COL1A1: variants seen among roughly 807,000 people sequenced by gnomAD.
COL1A1 encodes the protein collagen type I alpha 1 chain.
Under a neutral mutation model 195.7 loss-of-function variants are expected in COL1A1, and 21 were observed. The ratio of observed to expected loss-of-function variants is 0.11; its 90% CI spans 0.08 to 0.15. COL1A1 has a LOEUF of 0.15. Among genes scored for constraint, COL1A1 ranks in the 10% least tolerant of loss-of-function variants. The pLI, the probability that COL1A1 is intolerant of heterozygous loss-of-function variation, is 1.00. For missense variants in COL1A1, 1,365 were observed against 2,051.0 expected (o/e 0.67, Z 6.46); for synonymous variants, 749 against 747.3 (o/e 1.00, Z -0.04).
rs1190424222 is a variant in COL1A1 at position 50,195,726 on chromosome 17, G to A, written c.1057-61C>T. 12 of 1,528,106 alleles carry A rather than the reference G, an allele frequency of 7.9e-6. No individual in the cohort carries two copies. The African/African-American group carries it at 1.1e-4, about 14-fold the overall frequency. The allele number at this position is 1,528,106 out of a possible 1,614,324, so 94.7% of individuals were successfully genotyped here. A position where few individuals can be genotyped will look rare whatever the true frequency, so the allele number is the denominator to read the frequency against. ...TGGGAAACCCAACCTTGCCTCTCGGGATGGCAGGAGGAAGGGGAGACAGGG... is the reference window on the plus strand; with the variant it reads ...TGGGAAACCCAACCTTGCCTCTCGGAATGGCAGGAGGAAGGGGAGACAGGG... On this transcript the variant is annotated intron_variant, in intron 16 of 50. Coordinates refer to ENST00000225964, the MANE Select transcript of COL1A1 (RefSeq NM_000088.4). This position sits in a 1 kb window ranked among gnomAD's most constrained non-coding sequence, Gnocchi z 4.3.
In COL1A1 at chr17:50,199,436, A is replaced by G. The variant is rs576449536; in HGVS notation, c.351T>C (p.Thr117=). Residue 117 remains threonine (T), a synonymous_variant, in exon 4 of 51, where the codon ACT becomes ACC. Transcript: ENST00000225964. ...CGCTTACCCTTGGGCCTCGGGGGCC[A>G]GTGTCTCCCTTGGGTCCCTGTGGGA... ...TTGVEGPKGD[T]GPRGPRGPAG... is the part of the protein sequence containing the mutation. 1.2e-5 allele frequency: 19 copies of G among 1,614,116 alleles called. No individual in the cohort carries two copies. The highest frequency in any genetic ancestry group is 6.7e-5 in the East Asian group (3 of 44,874).
At chr17:50,197,256 T>C in intron 9 of COL1A1, 23 bp from the exon 10 acceptor site, 9 of 1,611,856 alleles carry the variant, frequency 5.6e-6, no homozygotes, top group Non-Finnish European at 7.6e-6. Context: ...GAAAAGACCA[T>C]CATGCCTCTG....
At chr17:50,187,406 G>T in intron 46 of COL1A1, 78 bp downstream of exon 46, 2 of 1,456,086 alleles carry the variant, frequency 1.4e-6, no homozygotes, top group Non-Finnish European at 1.9e-6. Context: ...GGCAAAGGGT[G>T]CCTGGGTCCC....
chr17:50,185,436 T>C lies in COL1A1; in HGVS notation c.*66A>G. ...TTGAGGGGGTTCAGTTTGGGTTGCT[T>C]GTCTGTTTCCGGGTTGGGGGGAAAG... On this transcript the variant is annotated 3_prime_UTR_variant, in exon 51 of 51. Coordinates refer to ENST00000225964, the MANE Select transcript of COL1A1 (RefSeq NM_000088.4). 6.2e-7 allele frequency: 1 copy of C among 1,602,740 alleles called. No individual in the cohort carries two copies. The highest frequency in any genetic ancestry group is 2.2e-5 in the East Asian group (1 of 44,744).
At position 50,195,864 on chromosome 17, in the gene COL1A1, G is replaced by A; in HGVS notation, c.1056+59C>T. ...TGGGTCCCTTTGGTTTGGGGAACAGGGAGACATGAACCCCTTGGCCCATGA... is the reference window on the plus strand; with the variant it reads ...TGGGTCCCTTTGGTTTGGGGAACAGAGAGACATGAACCCCTTGGCCCATGA... On this transcript the variant is annotated intron_variant, in intron 16 of 50. Transcript: ENST00000225964. The surrounding 1 kb of genome is among the most constrained non-coding windows in gnomAD (Gnocchi z 4.3). 1 of 1,542,818 alleles carries A rather than the reference G, an allele frequency of 6.5e-7. No homozygotes were observed.
intron 30 of COL1A1, 43 bp downstream of exon 30, chr17:50,191,937 G>A (rs1490574203): frequency 6.2e-7 from 1 of 1,609,818 alleles, no homozygotes; most frequent in Admixed American, 1.7e-5. Flanking sequence ...ATAGGGCCAA[G>A]TACGACGCAC....
chr17:50,197,608 C>T, intron 9 of COL1A1, 124 bp downstream of exon 9: 2 of 787,170 alleles, frequency 2.5e-6, no homozygotes, highest in Non-Finnish European at 2.1e-6. Context: ...GCAGTCCGTG[C>T]ATCAGAGAGG....
At chr17:50,200,769 A>C (rs1908012777) in intron 1 of COL1A1, among the ~76,000 whole-genome samples, 1 of 152,142 alleles carries the variant, frequency 6.6e-6, no homozygotes, top group South Asian at 2.1e-4. Flanking sequence ...CCCTGGCTTT[A>C]CTTTCCAGAT....
chr17:50,193,636 C>T (rs1044916170), intron 25 of COL1A1: 2 of 388,312 alleles, frequency 5.2e-6, no homozygotes, highest in Admixed American at 3.6e-5. Context: ...TGCACACCAC[C>T]ACACCCAGCT....
At chr17:50,197,306 G>A (rs570782843) in intron 9 of COL1A1, 73 bp from the exon 10 acceptor site, 1 of 1,480,084 alleles carries the variant, frequency 6.8e-7, no homozygotes, top group South Asian at 1.1e-5. Context: ...AGTGGAGAAG[G>A]TCTCAGTCTT....
At position 50,184,203 on chromosome 17, in the gene COL1A1, C is replaced by A; in HGVS notation, c.*1299G>T. 4.4e-6 allele frequency: 1 copy of A among 228,874 alleles called. No homozygotes were observed. 14.2% of individuals were successfully genotyped at this position (228,874 alleles called of 1,614,324 possible). ...TAGGTACAGAGTCTTTTGCTTCCTC[C>A]CACCCCTAGGGGGAAAAACTGCTTT... On this transcript the variant is annotated 3_prime_UTR_variant, in exon 51 of 51. Coordinates refer to ENST00000225964, the MANE Select transcript of COL1A1 (RefSeq NM_000088.4).
intron 1 of COL1A1, among the ~76,000 whole-genome samples, chr17:50,200,978 C>T (rs1014647469): frequency 6.6e-6 from 1 of 152,236 alleles, no homozygotes; most frequent in Non-Finnish European, 1.5e-5. Flanking sequence ...CTGCCCAGCA[C>T]CCCCACGGCC....
chr17:50,199,572 T>C lies in COL1A1; in HGVS notation c.317A>G (p.Glu106Gly). The C allele has an allele frequency of 6.2e-7, 1 of 1,614,150 alleles. No homozygotes were observed. Among genetic ancestry groups the C allele is most frequent in the African/African-American group, 1.3e-5 (1 of 75,024 alleles). Residue 106 changes from glutamate to glycine, a missense_variant, in exon 3 of 51, where the codon GAA (glutamate) becomes GGA (glycine). Glu to Gly is a moderately conservative substitution (Grantham distance 98, BLOSUM62 -2). Transcript: ENST00000225964. ...PDGSESPTDQ[E>G]TTGVEGPKGD... ...GGAGATTACCTCGACGCCGGTGGTT[T>C]CTTGGTCGGTGGGTGACTCTAGGGG...
chr17:50,194,771 C>G lies in COL1A1; in HGVS notation c.1411G>C (p.Ala471Pro). The G allele has an allele frequency of 6.4e-7, 1 of 1,574,442 alleles. No homozygotes were observed. Among genetic ancestry groups the G allele is most frequent in the African/African-American group, 1.4e-5 (1 of 73,652 alleles). Residue 471 changes from alanine to proline, a missense_variant, in exon 21 of 51, where the codon GCT (alanine) becomes CCT (proline). By Grantham distance (27) the Ala-to-Pro change is conservative (BLOSUM62 -1). This residue lies in a region of COL1A1 where 671 missense variants were observed against 1,099.9 expected (regional missense o/e 0.61). Transcript: ENST00000225964. The surrounding 1 kb of genome is among the most constrained non-coding windows in gnomAD (Gnocchi z 6.8). Reference protein sequence around the residue: ...GPAGEEGKRGARGEPGPTGLP... With the variant: ...GPAGEEGKRGPRGEPGPTGLP... ...CCAGTGGGTCCGGGTTCACCTCGAGCTCCTCGCTTTCCTTCCTCTCCAGCA... is the reference window on the plus strand; with the variant it reads ...CCAGTGGGTCCGGGTTCACCTCGAGGTCCTCGCTTTCCTTCCTCTCCAGCA...
chr17:50,187,781 A>T, intron 45 of COL1A1, 95 bp downstream of exon 45: 1 of 1,239,752 alleles, frequency 8.1e-7, no homozygotes, highest in Non-Finnish European at 1.1e-6. Flanking sequence ...TAGGGAGGGG[A>T]AAGAATGACT....
In COL1A1 at chr17:50,199,343, G is replaced by T. The variant is rs1907861409; in HGVS notation, c.370-16C>A. On this transcript the variant is annotated splice_polypyrimidine_tract_variant and intron_variant, in intron 4 of 50. Transcript: ENST00000225964. ...CTGCGGGTCCCTGCAGGGGGAGAGGGCGGGGCCGGGGTGAGCGTGGGGCCG... is the reference window on the plus strand; with the variant it reads ...CTGCGGGTCCCTGCAGGGGGAGAGGTCGGGGCCGGGGTGAGCGTGGGGCCG... 1.9e-6 allele frequency: 3 copies of T among 1,581,378 alleles called. No individual in the cohort carries two copies. Among genetic ancestry groups the T allele is most frequent in the Non-Finnish European group, 2.6e-6 (3 of 1,163,666 alleles).
chr17:50,201,297 C>T, intron 1 of COL1A1, 114 bp downstream of exon 1: 1 of 984,910 alleles, frequency 1.0e-6, no homozygotes, highest in Non-Finnish European at 1.6e-6. Context: ...CATCATCTCC[C>T]TTCCATTCCC....
Position 50,186,107 on chromosome 17 carries a change from A to G in COL1A1, c.4006-87T>C. 4 of 1,586,210 alleles carry G rather than the reference A, an allele frequency of 2.5e-6. No individual in the cohort carries two copies. The highest frequency in any genetic ancestry group is 2.6e-6 in the Non-Finnish European group (3 of 1,170,518). ...GCCTCCCTGTCCAGGGTCCTCAGAG[A>G]GCTGCCCAATGCACCGTTATATCGA... On this transcript the variant is annotated intron_variant, in intron 49 of 50. Transcript: ENST00000225964. The surrounding 1 kb of genome is among the most constrained non-coding windows in gnomAD (Gnocchi z 5.3).
At position 50,194,621 on chromosome 17, in the gene COL1A1, T is replaced by A. The variant is rs1402246199; in HGVS notation, c.1467A>T (p.Gly489=). The change falls in exon 22 of 51, where the codon GGA becomes GGT. Residue 489 remains glycine, a synonymous_variant. Transcript: ENST00000225964. The surrounding 1 kb of genome is among the most constrained non-coding windows in gnomAD (Gnocchi z 6.8). ...CGCCAGGGAAACCACGGCTACCAGG[T>A]CCACCCTGCAGGAGGAGAGGAGGCC... ...GLPGPPGERG[G]PGSRGFPGAD... 6.4e-7 allele frequency: 1 copy of A among 1,564,234 alleles called. No individual in the cohort carries two copies. The highest frequency in any genetic ancestry group is 2.4e-5 in the East Asian group (1 of 41,830).
Sources: gnomAD v4.1 joint callset for allele counts (sites outside exome capture counted in the v4.1 genomes callset) on GRCh38, gnomAD v4.1.1 for gene constraint, gnomAD v4.1.1 regional missense constraint, Gnocchi (gnomAD v3.1) non-coding constraint, MANE v1.5 for transcripts, NCBI Gene and HGNC (gene_info 2026-07-23, HGNC 2026-07-21) for gene names.